The following IMPG2 variants were observed in gnomAD, a reference collection of about 807,000 sequenced individuals.
IMPG2 encodes IPM 200.
IMPG2 carries 91 observed loss-of-function variants against 129.2 expected under a neutral mutation model. That is an observed-to-expected ratio of 0.70 (90% confidence interval 0.59 to 0.84). IMPG2 has a LOEUF of 0.84. Among genes scored for constraint, IMPG2 ranks in the 40% least tolerant of loss-of-function variants. The pLI, the probability that IMPG2 is intolerant of heterozygous loss-of-function variation, is 0.00. For missense variants in IMPG2, 1,430 were observed against 1,461.7 expected (o/e 0.98, Z 0.35); for synonymous variants, 510 against 517.7 (o/e 0.99, Z 0.20).
At chr3:101,277,576 T>C (rs1473568747) in intron 4 of IMPG2, among the ~76,000 whole-genome samples, 4 of 152,184 alleles carry the variant, frequency 2.6e-5, no homozygotes, top group Admixed American at 2.0e-4. Context: ...ATTGAAATCA[T>C]AAAACCTATT....
intron 10 of IMPG2, among the ~76,000 whole-genome samples, chr3:101,254,116 A>G (rs1706573563): frequency 6.6e-6 from 1 of 152,116 alleles, no homozygotes; most frequent in South Asian, 2.1e-4. Context: ...ATTTTTAAGT[A>G]AAAAAGTTGT....
intron 11 of IMPG2, 124 bp downstream of exon 11, chr3:101,253,572 A>G (rs1261302115): frequency 4.1e-6 from 3 of 737,810 alleles, no homozygotes; most frequent in Non-Finnish European, 7.2e-6. Flanking sequence ...TGGTCTAGGG[A>G]TGATGCAAGA....
At chr3:101,284,254 G>C (rs1323540136) in intron 4 of IMPG2, among the ~76,000 whole-genome samples, 2 of 152,146 alleles carry the variant, frequency 1.3e-5, no homozygotes, top group Non-Finnish European at 2.9e-5. Context: ...ATGTCTACTT[G>C]ACATTCACAT....
chr3:101,289,758 G>A (rs554658182), intron 4 of IMPG2, among the ~76,000 whole-genome samples: 1 of 152,024 alleles, frequency 6.6e-6, no homozygotes, highest in South Asian at 2.1e-4. Context: ...TGGCCAGGGT[G>A]GAGAGGAGGG....
chr3:101,316,235 C>T (rs1382237463), intron 2 of IMPG2, among the ~76,000 whole-genome samples: 1 of 151,838 alleles, frequency 6.6e-6, no homozygotes, highest in East Asian at 1.9e-4. Context: ...AAAGGATGCT[C>T]CCCCAAAAAG....
rs1188976081 is a variant in IMPG2 at position 101,231,104 on chromosome 3, C to T, written c.3275G>A (p.Cys1092Tyr). ...GENWWYRGKH[C>Y]EEFVSEPVII... Reference sequence around the variant, plus strand: ...CACGGGCTCAGACACAAATTCCTCACAGTGCTTGCCTCGGTACCACCAGTT... The same window carrying T: ...CACGGGCTCAGACACAAATTCCTCATAGTGCTTGCCTCGGTACCACCAGTT... The change falls in exon 16 of 19, where the codon TGT (cysteine) becomes TAT (tyrosine). Residue 1092 changes from cysteine (C) to tyrosine (Y), a missense_variant. Physicochemically the swap from Cys to Tyr is radical, Grantham distance 194. Transcript: ENST00000193391. 5 of 1,614,156 alleles carry T rather than the reference C, an allele frequency of 3.1e-6. No homozygotes were observed. Among genetic ancestry groups the T allele is most frequent in the Non-Finnish European group, 4.2e-6 (5 of 1,180,014 alleles).
Position 101,242,872 on chromosome 3 carries a change from G to A in IMPG2, c.2838C>T (p.Phe946=), listed in dbSNP as rs375273157. 33 of 1,613,886 alleles carry A rather than the reference G, an allele frequency of 2.0e-5. No individual in the cohort carries two copies. The African/African-American group carries it at 3.5e-4, about 17-fold the overall frequency. ...VPYLQSNLTG[F]QNLEILNFRN... ...TGAAGTTGAGGATTTCTAAGTTCTG[G>A]AACCCCGTGAGATTTGACTGGAGAT... is the stretch of plus-strand genomic sequence containing the variant. Residue 946 remains phenylalanine (F), a synonymous_variant, in exon 14 of 19, where the codon TTC becomes TTT. Coordinates refer to ENST00000193391, the MANE Select transcript of IMPG2 (RefSeq NM_016247.4).
At chr3:101,285,648 G>A (rs1219637156) in intron 4 of IMPG2, among the ~76,000 whole-genome samples, 1 of 152,148 alleles carries the variant, frequency 6.6e-6, no homozygotes, top group African/African-American at 2.4e-5. Flanking sequence ...TTATCATGGA[G>A]AAGTCTGTCT....
rs755792948 is a variant in IMPG2, at chr3:101,269,530, C to T, written c.872G>A (p.Arg291His). ...GTCTATTTACCTAAATTCAAGTACA[C>T]GAATTTCCTTGTAGCCTGGTAACCC... ...FTGLPGYKEI[R>H]VLEFRSPKEN... is the part of the protein sequence containing the mutation. The change falls in exon 8 of 19, where the codon CGT (arginine) becomes CAT (histidine). Residue 291 changes from arginine to histidine, a missense_variant. Transcript: ENST00000193391. The T allele has an allele frequency of 9.4e-6, 15 of 1,588,382 alleles. No individual in the cohort carries two copies. The highest frequency in any genetic ancestry group is 3.3e-5 in the Admixed American group (2 of 59,960).
At chr3:101,295,364 G>T (rs777536713) in intron 3 of IMPG2, among the ~76,000 whole-genome samples, 28 of 152,066 alleles carry the variant, frequency 1.8e-4, no homozygotes, top group Non-Finnish European at 3.2e-4. Context: ...TTTTTGTCAG[G>T]TTTGTCAAAG....
Position 101,244,433 on chromosome 3 carries a change from A to C in IMPG2, c.1898T>G (p.Leu633Arg). 6.2e-7 allele frequency: 1 copy of C among 1,614,224 alleles called. No individual in the cohort carries two copies. The highest frequency in any genetic ancestry group is 8.5e-7 in the Non-Finnish European group (1 of 1,180,026). Reference sequence around the variant, plus strand: ...TGGCAAAAGTGAATCATCATCTTCAAGCCACGGCTTGGACAGTGGTTCAGC... The same window carrying C: ...TGGCAAAAGTGAATCATCATCTTCACGCCACGGCTTGGACAGTGGTTCAGC... The part of the protein sequence containing the change: ...KSAEPLSKPW[L>R]EDDDSLLPAE... Residue 633 changes from leucine (L) to arginine (R), a missense_variant, in exon 13 of 19, where the codon CTT (leucine) becomes CGT (arginine). Coordinates refer to ENST00000193391, the MANE Select transcript of IMPG2 (RefSeq NM_016247.4).
At chr3:101,313,821 A>T (rs2058768945) in intron 2 of IMPG2, among the ~76,000 whole-genome samples, 1 of 152,160 alleles carries the variant, frequency 6.6e-6, no homozygotes, top group Non-Finnish European at 1.5e-5. Flanking sequence ...TGAAATAATT[A>T]TCTATGTAGA....
At chr3:101,259,955 G>A (rs1330976207) in intron 9 of IMPG2, among the ~76,000 whole-genome samples, 1 of 152,038 alleles carries the variant, frequency 6.6e-6, no homozygotes, top group Non-Finnish European at 1.5e-5. Context: ...TGGTCTGTTG[G>A]CACATATATT....
At chr3:101,229,237 A>G in intron 17 of IMPG2, 143 bp downstream of exon 17, 2 of 738,620 alleles carry the variant, frequency 2.7e-6, no homozygotes, top group Admixed American at 4.1e-5. Flanking sequence ...GGTAAAAACC[A>G]ATTACTAAAT....
At chr3:101,311,157 A>G (rs1227062197) in intron 2 of IMPG2, among the ~76,000 whole-genome samples, 1 of 144,314 alleles carries the variant, frequency 6.9e-6, no homozygotes, top group Non-Finnish European at 1.5e-5. Context: ...ACATTTGCTT[A>G]GGAAAATCTA....
At chr3:101,239,187 C>A (rs1311860659) in intron 14 of IMPG2, among the ~76,000 whole-genome samples, 2 of 152,164 alleles carry the variant, frequency 1.3e-5, no homozygotes, top group African/African-American at 4.8e-5. Context: ...ATCTATCCAT[C>A]TGACAAAGGG....
rs1374678225 is a variant in IMPG2 at position 101,231,039 on chromosome 3, C to T, written c.3340G>A (p.Val1114Ile). 1 of 1,613,992 alleles carries T rather than the reference C, an allele frequency of 6.2e-7. No individual in the cohort carries two copies. Among genetic ancestry groups the T allele is most frequent in the East Asian group, 2.2e-5 (1 of 44,896 alleles). ...AAGTAGATGATAGCAGAAAAGATGA[C>T]AAGAAGTCCAACCACGGAGGCAATA... ...ITIASVVGLL[V>I]IFSAIIYFFI... The change falls in exon 16 of 19, where the codon GTC becomes ATC. Residue 1114 changes from valine to isoleucine, a missense_variant. Coordinates refer to ENST00000193391, the MANE Select transcript of IMPG2 (RefSeq NM_016247.4).
At chr3:101,315,025 A>C (rs1242909089) in intron 2 of IMPG2, among the ~76,000 whole-genome samples, 1 of 152,130 alleles carries the variant, frequency 6.6e-6, no homozygotes, top group Non-Finnish European at 1.5e-5. Flanking sequence ...AGCTCCCTTC[A>C]GCTGTGTTAT....
At chr3:101,295,086 A>G (rs949761283) in intron 3 of IMPG2, among the ~76,000 whole-genome samples, 6 of 152,198 alleles carry the variant, frequency 3.9e-5, no homozygotes, top group Admixed American at 6.5e-5. Context: ...TAGTTTAATT[A>G]GATCTCATTT....
Sources: allele counts gnomAD v4.1 joint callset (sites outside exome capture counted in the v4.1 genomes callset), GRCh38; gene constraint gnomAD v4.1.1; transcripts MANE v1.5; gene names NCBI Gene and HGNC (gene_info 2026-07-23, HGNC 2026-07-21).